Variants in GNG4 observed in about 807,000 individuals in gnomAD.
GNG4 encodes G protein subunit gamma 4, also known as guanine nucleotide-binding protein G(I)/G(S)/G(O) subunit gamma-4.
Under a neutral mutation model 5.8 loss-of-function variants are expected in GNG4, and 4 were observed. The ratio of observed to expected loss-of-function variants is 0.69; its 90% CI spans 0.34 to 1.57. The LOEUF is 1.57. Among genes scored for constraint, GNG4 ranks in the 40% most tolerant of loss-of-function variants. The pLI is 0.06. For synonymous variants in GNG4, 29 were observed against 32.9 expected, an observed-to-expected ratio of 0.88 and a Z score of 0.41; for missense variants, 96 against 95.1, an observed-to-expected ratio of 1.01 and a Z score of -0.04.
intron 1 of GNG4, among the ~76,000 whole-genome samples, chr1:235,631,571 CTTTCT>C (rs889181920): frequency 1.2e-4 from 14 of 115,838 alleles, no homozygotes; most frequent in African/African-American, 5.4e-4. Context: ...TCTTTTCTTT[CTTTCT>C]TTTTTTTTTT....
chr1:235,643,280 G>A (rs1458370327), intron 1 of GNG4, among the ~76,000 whole-genome samples: 2 of 152,160 alleles, frequency 1.3e-5, no homozygotes, highest in Non-Finnish European at 2.9e-5. Flanking sequence ...CCTGCTGGCC[G>A]CCCTGCCTGG....
At chr1:235,582,341 C>T (rs922050790) in intron 3 of GNG4, among the ~76,000 whole-genome samples, 1 of 152,218 alleles carries the variant, frequency 6.6e-6, no homozygotes, top group African/African-American at 2.4e-5. Context: ...GCAGCTCCTC[C>T]CGCTGCCCAG....
chr1:235,554,345 C>T (rs915199279), intron 3 of GNG4, among the ~76,000 whole-genome samples: 1 of 152,224 alleles, frequency 6.6e-6, no homozygotes, highest in African/African-American at 2.4e-5. Flanking sequence ...GGGTCTCCCT[C>T]ATGGCCACCA....
intron 3 of GNG4, among the ~76,000 whole-genome samples, chr1:235,561,772 C>T (rs1687070517): frequency 6.6e-6 from 1 of 152,174 alleles, no homozygotes; most frequent in South Asian, 2.1e-4. Flanking sequence ...GGCTTGTGTT[C>T]ATTCCCTTAA....
At chr1:235,608,930 C>A (rs778481989) in intron 1 of GNG4, among the ~76,000 whole-genome samples, 1 of 152,058 alleles carries the variant, frequency 6.6e-6, no homozygotes, top group East Asian at 1.9e-4. Context: ...GTGATCCACC[C>A]GCCTCGGCCT....
intron 1 of GNG4, among the ~76,000 whole-genome samples, chr1:235,616,692 C>G (rs1242131425): frequency 6.6e-6 from 1 of 151,860 alleles, no homozygotes; most frequent in Non-Finnish European, 1.5e-5. Context: ...CTCTGATTAC[C>G]CTCGCCTCTT....
intron 3 of GNG4, among the ~76,000 whole-genome samples, chr1:235,564,963 G>A (rs893131796): frequency 6.6e-6 from 1 of 152,308 alleles, no homozygotes; most frequent in Non-Finnish European, 1.5e-5. Context: ...GATTACAGGC[G>A]TGAGCCACAG....
chr1:235,580,544 C>G (rs1687602747), intron 3 of GNG4, among the ~76,000 whole-genome samples: 1 of 152,170 alleles, frequency 6.6e-6, no homozygotes, highest in Admixed American at 6.5e-5. Flanking sequence ...GTTCAGCTCT[C>G]TCCTCAGGCA....
intron 3 of GNG4, among the ~76,000 whole-genome samples, chr1:235,572,941 A>C (rs979056667): frequency 1.3e-5 from 2 of 152,298 alleles, no homozygotes; most frequent in Admixed American, 6.5e-5. Context: ...AATTTATCTT[A>C]AAGAAATAAT....
chr1:235,612,496 C>T (rs921684251), intron 1 of GNG4, among the ~76,000 whole-genome samples: 1 of 152,098 alleles, frequency 6.6e-6, no homozygotes. Context: ...TGTCTTGGTT[C>T]ACCTGGGCTG....
At chr1:235,614,284 A>AT (rs367578916) in intron 1 of GNG4, among the ~76,000 whole-genome samples, 6 of 143,486 alleles carry the variant, frequency 4.2e-5, no homozygotes, top group South Asian at 2.2e-4. Flanking sequence ...GGTCATTTGT[A>AT]TTTTTTTTTT....
At chr1:235,554,670 C>A (rs1383335463) in intron 3 of GNG4, among the ~76,000 whole-genome samples, 2 of 151,982 alleles carry the variant, frequency 1.3e-5, no homozygotes, top group Non-Finnish European at 2.9e-5. Flanking sequence ...ATGGTGAAAC[C>A]CCGTCTCTAC....
At chr1:235,628,423 G>C (rs538105297) in intron 1 of GNG4, among the ~76,000 whole-genome samples, 105 of 151,900 alleles carry the variant, frequency 6.9e-4, no homozygotes, top group Middle Eastern at 6.8e-3. Context: ...AGACGGGGGG[G>C]GGTTACAAGA....
intron 1 of GNG4, among the ~76,000 whole-genome samples, chr1:235,601,199 C>CT (rs1181901436): frequency 1.3e-5 from 2 of 152,156 alleles, no homozygotes; most frequent in Admixed American, 6.6e-5. Context: ...ATGGGATAGG[C>CT]TGGTGGGCTG....
At chr1:235,581,237 TAGTG>T (rs779398794) in intron 3 of GNG4, among the ~76,000 whole-genome samples, 1 of 152,124 alleles carries the variant, frequency 6.6e-6, no homozygotes, top group East Asian at 1.9e-4. Context: ...GTTGTTGTAA[TAGTG>T]AGTGAGTTCT....
chr1:235,576,328 C>T (rs1200608521), intron 3 of GNG4, among the ~76,000 whole-genome samples: 2 of 151,986 alleles, frequency 1.3e-5, no homozygotes, highest in African/African-American at 4.8e-5. Context: ...TCCTAAAGTG[C>T]TGGGATTATA....
chr1:235,593,220 A>AT lies in GNG4; in HGVS notation c.-11+2179dup, dbSNP rs199685313. ...CGTCTTGGCCTCCCAAATTGCTGGA[A>AT]TTCAGGCATGAGTGCCTGCATCCGA... On this transcript the variant is annotated intron_variant, in intron 2 of 3. Coordinates refer to ENST00000391854, the MANE Select transcript of GNG4 (RefSeq NM_001098722.2). Among the ~76,000 whole-genome samples, 1,345 of 152,328 alleles carry AT rather than the reference A, an allele frequency of 8.8e-3. 22 individuals are homozygous for AT. The highest frequency in any genetic ancestry group is 0.031 in the African/African-American group (1,285 of 41,564).
intron 1 of GNG4, among the ~76,000 whole-genome samples, chr1:235,639,298 T>C (rs1657244595): frequency 1.3e-5 from 2 of 152,250 alleles, no homozygotes; most frequent in African/African-American, 4.8e-5. Flanking sequence ...CAGGAATAAG[T>C]AGTTCATACA....
intron 1 of GNG4, among the ~76,000 whole-genome samples, chr1:235,611,079 C>G (rs951645178): frequency 6.6e-6 from 1 of 151,938 alleles, no homozygotes; most frequent in Admixed American, 6.6e-5. Flanking sequence ...CAGAGCGAGA[C>G]TTCATCTCAA....
Sources: allele counts gnomAD v4.1 joint callset (sites outside exome capture counted in the v4.1 genomes callset), GRCh38; gene constraint gnomAD v4.1.1; transcripts MANE v1.5; gene names NCBI Gene and HGNC (gene_info 2026-07-23, HGNC 2026-07-21).